GRM7: variants seen among roughly 807,000 people sequenced by gnomAD.
The protein encoded by GRM7 is glutamate metabotropic receptor 7.
A neutral mutation model predicts 84.5 loss-of-function variants in GRM7; 35 were observed. The observed-to-expected ratio is 0.41, with a 90% confidence interval of 0.32 to 0.55. The LOEUF is 0.55. GRM7 is among the 20% of genes least tolerant of loss of function. The pLI is 0.19. For missense variants in GRM7, 1,003 were observed against 1,194.6 expected, an observed-to-expected ratio of 0.84 and a Z score of 2.36; for synonymous variants, 487 against 455.1, an observed-to-expected ratio of 1.07 and a Z score of -0.89.
chr3:7,651,542 AAGGGGAGAGCT>A (rs1559465303), intron 8 of GRM7, among the ~76,000 whole-genome samples: 1 of 152,186 alleles, frequency 6.6e-6, no homozygotes, highest in African/African-American at 2.4e-5. Flanking sequence ...AAAGAACAAG[AAGGGGAGAGCT>A]ATTTACATAC....
At chr3:6,967,965 G>A (rs1693594676) in intron 1 of GRM7, among the ~76,000 whole-genome samples, 1 of 152,208 alleles carries the variant, frequency 6.6e-6, no homozygotes, top group Admixed American at 6.5e-5. Flanking sequence ...TTGAAATCAA[G>A]TTGAGAGTTT....
intron 2 of GRM7, among the ~76,000 whole-genome samples, chr3:7,276,207 ATGTGTGTGTGTG>A (rs923161861): frequency 2.1e-5 from 2 of 96,706 alleles, no homozygotes; most frequent in Admixed American, 1.0e-4. Flanking sequence ...ATATATATAT[ATGTGTGTGTGTG>A]TGTGTGTGTG....
chr3:7,346,825 A>G (rs565348573), intron 4 of GRM7, among the ~76,000 whole-genome samples: 3 of 152,250 alleles, frequency 2.0e-5, no homozygotes, highest in Admixed American at 2.0e-4. Flanking sequence ...CTTTATGATA[A>G]GATGAGAATT....
intron 2 of GRM7, among the ~76,000 whole-genome samples, chr3:7,267,226 T>C (rs975031948): frequency 6.6e-6 from 1 of 152,228 alleles, no homozygotes; most frequent in East Asian, 1.9e-4. Flanking sequence ...AAGTGTTATA[T>C]ATTTTGGCAA....
chr3:7,061,701 A>G (rs1485166644), intron 1 of GRM7, among the ~76,000 whole-genome samples: 3 of 151,778 alleles, frequency 2.0e-5, no homozygotes, highest in Non-Finnish European at 4.4e-5. Flanking sequence ...AAGGACTGAC[A>G]GGAGAGTAAG....
At chr3:7,137,742 GGA>G (rs1693816022) in intron 1 of GRM7, among the ~76,000 whole-genome samples, 1 of 98 alleles carries the variant, frequency 0.01, no homozygotes, top group Non-Finnish European at 0.024. Flanking sequence ...CCCAATATTT[GGA>G]GTGGTGCAAT....
At chr3:7,660,716 T>C (rs896672471) in intron 8 of GRM7, among the ~76,000 whole-genome samples, 5 of 152,126 alleles carry the variant, frequency 3.3e-5, no homozygotes, top group African/African-American at 1.2e-4. Flanking sequence ...GGAAGGCTAA[T>C]ATAATCTGAT....
At chr3:7,092,866 T>C (rs1698719310) in intron 1 of GRM7, among the ~76,000 whole-genome samples, 1 of 152,170 alleles carries the variant, frequency 6.6e-6, no homozygotes, top group Admixed American at 6.5e-5. Flanking sequence ...GAAGGATTGC[T>C]TGAGGCCAAG....
intron 1 of GRM7, among the ~76,000 whole-genome samples, chr3:7,066,543 A>C (rs1359364335): frequency 1.3e-5 from 2 of 151,916 alleles, no homozygotes; most frequent in Non-Finnish European, 2.9e-5. Context: ...AAAATTACCA[A>C]CAACAAAAAA....
At chr3:7,403,332 A>C (rs1030180948) in intron 4 of GRM7, among the ~76,000 whole-genome samples, 1 of 151,822 alleles carries the variant, frequency 6.6e-6, no homozygotes, top group African/African-American at 2.4e-5. Flanking sequence ...CATTTCTAAA[A>C]AAATTATATA....
intron 4 of GRM7, among the ~76,000 whole-genome samples, chr3:7,405,619 A>G (rs879320460): frequency 2.6e-5 from 4 of 152,302 alleles, no homozygotes; most frequent in Admixed American, 2.6e-4. Context: ...GTGTTTAGAA[A>G]TAGGAATTAA....
At position 7,405,033 on chromosome 3, in the gene GRM7, G is replaced by A. The variant is rs1695616227; in HGVS notation, c.1034-9990G>A. 2.0e-5 allele frequency among the ~76,000 whole-genome samples: 3 copies of A among 152,054 alleles called. No individual in the cohort carries two copies. The South Asian group carries it at 6.2e-4, about 31-fold the overall frequency. On this transcript the variant is annotated intron_variant, in intron 4 of 9. Coordinates refer to ENST00000357716, the MANE Select transcript of GRM7 (RefSeq NM_000844.4). ...AACCGGAACTTCTATGAGAACCAGA[G>A]AACAGTACATTTATGTTCAGTAGCT...
chr3:7,538,203 A>G (rs1692660262), intron 7 of GRM7, among the ~76,000 whole-genome samples: 1 of 152,160 alleles, frequency 6.6e-6, no homozygotes, highest in African/African-American at 2.4e-5. Flanking sequence ...TCTACCTCCC[A>G]GATTCAAGTG....
chr3:7,606,726 G>T (rs749223122), intron 8 of GRM7, among the ~76,000 whole-genome samples: 4 of 152,050 alleles, frequency 2.6e-5, no homozygotes, highest in Admixed American at 2.0e-4. Context: ...TAGAGACAGG[G>T]TTTTGCCATG....
chr3:7,317,377 T>C (rs1700621476), intron 4 of GRM7, among the ~76,000 whole-genome samples: 1 of 152,110 alleles, frequency 6.6e-6, no homozygotes, highest in Non-Finnish European at 1.5e-5. Context: ...GTCATAATTA[T>C]GTAGAATAAA....
At chr3:7,420,654 C>T (rs1696356084) in intron 5 of GRM7, among the ~76,000 whole-genome samples, 2 of 152,210 alleles carry the variant, frequency 1.3e-5, no homozygotes, top group East Asian at 3.9e-4. Context: ...CTTCCATCAC[C>T]CTTAAATCTT....
At chr3:7,428,370 T>C (rs1043195858) in intron 5 of GRM7, among the ~76,000 whole-genome samples, 3 of 152,196 alleles carry the variant, frequency 2.0e-5, no homozygotes, top group Admixed American at 2.0e-4. Context: ...ACTTTTTTTC[T>C]CCTGGGACAG....
chr3:7,461,758 G>A lies in GRM7; in HGVS notation c.1515+36G>A, dbSNP rs773905243. The A allele has an allele frequency of 3.8e-6, 6 of 1,598,366 alleles. No homozygotes were observed. The South Asian group carries it at 4.4e-5, about 12-fold the overall frequency. ...CTTGCTTCTCTTCTTCCCTTGTTGAGATGAATGAACAGACTTTTAATTTGC... is the reference window on the plus strand; with the variant it reads ...CTTGCTTCTCTTCTTCCCTTGTTGAAATGAATGAACAGACTTTTAATTTGC... On this transcript the variant is annotated intron_variant, in intron 7 of 9. Transcript: ENST00000357716.
At chr3:7,490,822 C>T (rs1699492333) in intron 7 of GRM7, among the ~76,000 whole-genome samples, 1 of 151,884 alleles carries the variant, frequency 6.6e-6, no homozygotes, top group African/African-American at 2.4e-5. Context: ...ACAAGTATTT[C>T]AGAAATAAAC....
Sources: gnomAD v4.1 joint callset for allele counts (sites outside exome capture counted in the v4.1 genomes callset) on GRCh38, gnomAD v4.1.1 for gene constraint, MANE v1.5 for transcripts, NCBI Gene and HGNC (gene_info 2026-07-23, HGNC 2026-07-21) for gene names.